Variants in GRM3 observed in about 807,000 individuals in gnomAD.
GRM3 encodes glutamate metabotropic receptor 3, also known as metabotropic glutamate receptor 3.
GRM3 carries 26 observed loss-of-function variants against 70.5 expected under a neutral mutation model. That is an observed-to-expected ratio of 0.37 (90% CI 0.27 to 0.51). The LOEUF is 0.51. Ranked by LOEUF, GRM3 falls within the 20% of genes least tolerant of loss-of-function variation. GRM3 has a pLI of 0.93. For missense variants in GRM3, 859 were observed against 1,123.8 expected (o/e 0.76, Z 3.37); for synonymous variants, 443 against 434.9 (o/e 1.02, Z -0.23).
intron 1 of GRM3, among the ~76,000 whole-genome samples, chr7:86,674,705 C>T (rs1441421673): frequency 1.3e-5 from 2 of 152,076 alleles, no homozygotes; most frequent in African/African-American, 4.8e-5. Flanking sequence ...AATCTGATCC[C>T]TGAGTATGTT....
intron 3 of GRM3, among the ~76,000 whole-genome samples, chr7:86,818,387 T>C (rs2299226): frequency 0.26 from 39,956 of 151,894 alleles, 5,406 homozygotes; most frequent in Middle Eastern, 0.35. Flanking sequence ...TAAGGTAGAA[T>C]AGAACACACC....
chr7:86,717,168 A>G (rs1776582706), intron 1 of GRM3, among the ~76,000 whole-genome samples: 1 of 151,968 alleles, frequency 6.6e-6, no homozygotes, highest in African/African-American at 2.4e-5. Flanking sequence ...TTCTCTTATC[A>G]CTGGACTGTG....
chr7:86,796,918 A>G (rs776421520), intron 3 of GRM3, among the ~76,000 whole-genome samples: 4 of 152,138 alleles, frequency 2.6e-5, no homozygotes, highest in Non-Finnish European at 5.9e-5. Flanking sequence ...TGAGATCTGA[A>G]GGTTTTATAA....
Position 86,644,507 on chromosome 7 carries a change from C to T in GRM3, c.-506C>T, listed in dbSNP as rs1481464582. On this transcript the variant is annotated 5_prime_UTR_variant, in exon 1 of 6. Coordinates refer to ENST00000361669, the MANE Select transcript of GRM3 (RefSeq NM_000840.3). ...GACTCGGCTGGGAAGAGCTCCCCTCCCCTCCGCGGAAGACCACTGGGTCCC... is the reference window on the plus strand; with the variant it reads ...GACTCGGCTGGGAAGAGCTCCCCTCTCCTCCGCGGAAGACCACTGGGTCCC... 2 of 358,414 alleles carry T rather than the reference C, an allele frequency of 5.6e-6. No individual in the cohort carries two copies. The highest frequency in any genetic ancestry group is 1.1e-5 in the Non-Finnish European group (2 of 181,608). The allele number at this position is 358,414 out of a possible 1,614,324, so 22.2% of individuals were successfully genotyped here. A position where few individuals can be genotyped will look rare whatever the true frequency, so the allele number is the denominator to read the frequency against.
At chr7:86,705,956 C>T (rs1272426968) in intron 1 of GRM3, among the ~76,000 whole-genome samples, 1 of 88,838 alleles carries the variant, frequency 1.1e-5, no homozygotes, top group African/African-American at 6.2e-5. Context: ...ACAAAAGTGT[C>T]AAAGCACCAG....
chr7:86,772,101 A>G lies in GRM3; in HGVS notation c.468+6488A>G, dbSNP rs189052309. ...CATATTTATTCTTCCATGAACTATA[A>G]GCCACTTGAGTTTAAGAACCACATT... On this transcript the variant is annotated intron_variant, in intron 2 of 5. Transcript: ENST00000361669. Among the ~76,000 whole-genome samples, 196 of 152,246 alleles carry G rather than the reference A, an allele frequency of 1.3e-3. 1 individual carries two copies. The highest frequency in any genetic ancestry group is 4.7e-3 in the African/African-American group (194 of 41,564).
At chr7:86,671,937 C>T (rs1035061269) in intron 1 of GRM3, among the ~76,000 whole-genome samples, 1 of 152,146 alleles carries the variant, frequency 6.6e-6, no homozygotes, top group Non-Finnish European at 1.5e-5. Context: ...AACCAACCAG[C>T]CATAAAAAAG....
chr7:86,678,862 T>C (rs764701188), intron 1 of GRM3, among the ~76,000 whole-genome samples: 18 of 152,032 alleles, frequency 1.2e-4, no homozygotes, highest in Non-Finnish European at 1.0e-4. Context: ...ATAAGGTTAG[T>C]AGTTAGTAGA....
At chr7:86,655,814 C>T (rs1397813145) in intron 1 of GRM3, among the ~76,000 whole-genome samples, 3 of 139,742 alleles carry the variant, frequency 2.1e-5, no homozygotes, top group African/African-American at 5.4e-5. Context: ...ATTTTTAAGG[C>T]TAACTCTGTG....
Position 86,770,850 on chromosome 7 carries a change from T to A in GRM3, c.468+5237T>A, listed in dbSNP as rs911801453. 5.9e-5 allele frequency among the ~76,000 whole-genome samples: 9 copies of A among 152,150 alleles called. No individual in the cohort carries two copies. In the South Asian group the frequency reaches 1.9e-3, roughly 31 times the overall value. On this transcript the variant is annotated intron_variant, in intron 2 of 5. Coordinates refer to ENST00000361669, the MANE Select transcript of GRM3 (RefSeq NM_000840.3). ...CAAGTACACTCTCTCTGTGGACAAA[T>A]AGGTTGACTCTAGAGCAACCTTGGC... is the stretch of plus-strand genomic sequence containing the variant.
chr7:86,703,011 T>A (rs1380536016), intron 1 of GRM3, among the ~76,000 whole-genome samples: 1 of 151,888 alleles, frequency 6.6e-6, no homozygotes, highest in African/African-American at 2.4e-5. Flanking sequence ...ATCCTAGAAA[T>A]GAAGTTTTGT....
intron 1 of GRM3, among the ~76,000 whole-genome samples, chr7:86,741,108 G>C (rs1279424000): frequency 2.0e-5 from 3 of 152,132 alleles, no homozygotes; most frequent in Admixed American, 6.6e-5. Context: ...TGAAAGCATG[G>C]AGACATTTTA....
intron 5 of GRM3, among the ~76,000 whole-genome samples, chr7:86,862,374 T>C (rs1798977101): frequency 6.6e-6 from 1 of 152,196 alleles, no homozygotes; most frequent in Admixed American, 6.6e-5. Flanking sequence ...GGAAATAATT[T>C]TTCTAATTAA....
intron 3 of GRM3, among the ~76,000 whole-genome samples, chr7:86,796,525 A>G (rs974571841): frequency 6.6e-6 from 1 of 152,036 alleles, no homozygotes; most frequent in African/African-American, 2.4e-5. Flanking sequence ...TTTTTTGCTT[A>G]GGACTCTCTT....
At chr7:86,707,519 A>T (rs1488469381) in intron 1 of GRM3, among the ~76,000 whole-genome samples, 1 of 152,074 alleles carries the variant, frequency 6.6e-6, no homozygotes, top group Non-Finnish European at 1.5e-5. Context: ...TGGGCAAGTT[A>T]TCTGACATCA....
chr7:86,769,974 CA>C (rs1204237196), intron 2 of GRM3, among the ~76,000 whole-genome samples: 1 of 152,080 alleles, frequency 6.6e-6, no homozygotes, highest in Non-Finnish European at 1.5e-5. Flanking sequence ...TCAGGGAAAA[CA>C]GTATTTATAT....
At chr7:86,847,055 C>A (rs921347431) in intron 4 of GRM3, among the ~76,000 whole-genome samples, 7 of 152,168 alleles carry the variant, frequency 4.6e-5, no homozygotes, top group African/African-American at 1.2e-4. Context: ...GTCCAGGTGA[C>A]CCCTGTACCA....
intron 1 of GRM3, among the ~76,000 whole-genome samples, chr7:86,748,175 C>A (rs935846888): frequency 6.6e-6 from 1 of 151,958 alleles, no homozygotes; most frequent in Non-Finnish European, 1.5e-5. Flanking sequence ...GTTCTCAGAG[C>A]ATACACTTTA....
intron 1 of GRM3, among the ~76,000 whole-genome samples, chr7:86,708,536 T>C (rs1795111378): frequency 6.6e-6 from 1 of 152,120 alleles, no homozygotes; most frequent in Admixed American, 6.6e-5. Flanking sequence ...CAACAACTAC[T>C]GAAAAGAAGG....
Sources: gnomAD v4.1 joint callset for allele counts (sites outside exome capture counted in the v4.1 genomes callset) on GRCh38, gnomAD v4.1.1 for gene constraint, MANE v1.5 for transcripts, NCBI Gene and HGNC (gene_info 2026-07-23, HGNC 2026-07-21) for gene names.